Variants in LINGO2 observed in about 807,000 individuals in gnomAD.
LINGO2 encodes leucine rich repeat and Ig domain containing 2.
In LINGO2, 14 loss-of-function variants were observed where a neutral mutation model predicts 30.6. The observed-to-expected ratio is 0.46, with a 90% CI of 0.30 to 0.72. LINGO2 has a LOEUF of 0.72. LINGO2 is among the 30% of genes least tolerant of loss of function. The pLI is 0.07. For synonymous variants in LINGO2, 317 were observed against 288.5 expected (o/e 1.10, Z -1.00); for missense variants, 729 against 751.7 (o/e 0.97, Z 0.35).
intron 1 of LINGO2, among the ~76,000 whole-genome samples, chr9:28,643,495 A>G (rs1827699557): frequency 6.6e-6 from 1 of 152,052 alleles, no homozygotes; most frequent in Non-Finnish European, 1.5e-5. Context: ...TATGCAGAAT[A>G]AAAGTAGAAC....
Position 28,185,647 on chromosome 9 carries a change from G to T in LINGO2, c.-87+109561C>A, listed in dbSNP as rs548024589. 4.6e-5 allele frequency among the ~76,000 whole-genome samples: 7 copies of T among 152,194 alleles called. 1 individual carries two copies. The South Asian group carries it at 8.3e-4, about 18-fold the overall frequency. On this transcript the variant is annotated intron_variant, in intron 4 of 5. Transcript: ENST00000379992. ...GAAACACAATTGTAGAAATAGGACT[G>T]CAAAAATATAGTTCTTAGCTACACT...
intron 1 of LINGO2, among the ~76,000 whole-genome samples, chr9:28,506,479 C>CACAT (rs1260518228): frequency 8.8e-5 from 1 of 11,334 alleles, no homozygotes; most frequent in Non-Finnish European, 4.3e-4. Context: ...CACACACACA[C>CACAT]ATACACATAC....
At chr9:28,794,326 AAAC>A in the LINGO2 span, among the ~76,000 whole-genome samples, 1 of 151,976 alleles carries the variant, frequency 6.6e-6, no homozygotes, top group African/African-American at 2.4e-5. Context: ...AACAAAACCA[AAAC>A]ACACACACAC....
chr9:29,154,706 G>A, the LINGO2 span, among the ~76,000 whole-genome samples: 1 of 152,226 alleles, frequency 6.6e-6, no homozygotes, highest in African/African-American at 2.4e-5. Flanking sequence ...TTTGTGCTAT[G>A]GAATCCAGGT....
chr9:29,150,423 T>A, the LINGO2 span, among the ~76,000 whole-genome samples: 4 of 152,254 alleles, frequency 2.6e-5, no homozygotes, highest in Middle Eastern at 3.4e-3. Context: ...TCTTAACCAG[T>A]TTGAAAGAAC....
At chr9:28,323,455 C>A (rs1219471854) in intron 3 of LINGO2, among the ~76,000 whole-genome samples, 1 of 152,088 alleles carries the variant, frequency 6.6e-6, no homozygotes, top group Non-Finnish European at 1.5e-5. Flanking sequence ...CAAAAATTAG[C>A]CAGGTGTGGT....
chr9:29,074,255 C>G, the LINGO2 span, among the ~76,000 whole-genome samples: 1 of 151,880 alleles, frequency 6.6e-6, no homozygotes, highest in African/African-American at 2.4e-5. Context: ...AGTCAATCAA[C>G]AGAGACAATA....
intron 1 of LINGO2, among the ~76,000 whole-genome samples, chr9:28,550,995 T>C (rs1277711584): frequency 3.3e-5 from 5 of 151,844 alleles, no homozygotes; most frequent in African/African-American, 4.8e-5. Context: ...TGAATACAAA[T>C]GAGAATACAA....
the LINGO2 span, among the ~76,000 whole-genome samples, chr9:28,818,643 C>G: frequency 3.0e-4 from 45 of 152,192 alleles, no homozygotes; most frequent in African/African-American, 1.1e-3. Flanking sequence ...GCCTCAGCCT[C>G]CCAAAGTGCT....
the LINGO2 span, among the ~76,000 whole-genome samples, chr9:28,857,465 C>A: frequency 3.3e-5 from 5 of 151,996 alleles, no homozygotes; most frequent in African/African-American, 9.7e-5. Context: ...AAGTGACCAG[C>A]CTCAGGTCAC....
the LINGO2 span, among the ~76,000 whole-genome samples, chr9:29,113,752 A>G: frequency 6.6e-6 from 1 of 152,218 alleles, no homozygotes; most frequent in Non-Finnish European, 1.5e-5. Context: ...CTTTACCAGT[A>G]GAATCCTGAA....
At chr9:27,975,927 T>C (rs2118834198) in intron 5 of LINGO2, among the ~76,000 whole-genome samples, 1 of 152,234 alleles carries the variant, frequency 6.6e-6, no homozygotes, top group East Asian at 1.9e-4. Flanking sequence ...CAGTTCTTAA[T>C]CAAACTTGGT....
intron 1 of LINGO2, among the ~76,000 whole-genome samples, chr9:28,582,880 C>A (rs561513423): frequency 1.3e-4 from 20 of 152,088 alleles, no homozygotes; most frequent in Admixed American, 5.2e-4. Context: ...GAAAAACATA[C>A]CGATGCTTTG....
chr9:28,715,201 A>T, the LINGO2 span, among the ~76,000 whole-genome samples: 5 of 152,198 alleles, frequency 3.3e-5, no homozygotes, highest in Non-Finnish European at 5.9e-5. Context: ...TATTGAAGCC[A>T]TTTAGGATAT....
chr9:28,876,315 A>C, the LINGO2 span, among the ~76,000 whole-genome samples: 1 of 151,972 alleles, frequency 6.6e-6, no homozygotes, highest in African/African-American at 2.4e-5. Flanking sequence ...TTAGTTACAT[A>C]TGTATACATG....
chr9:28,018,734 A>G (rs946991213), intron 4 of LINGO2, among the ~76,000 whole-genome samples: 9 of 152,176 alleles, frequency 5.9e-5, no homozygotes, highest in African/African-American at 2.2e-4. Flanking sequence ...GGGCACTTAT[A>G]CATTGCTGGG....
At chr9:28,425,126 T>G (rs1823351255) in intron 2 of LINGO2, among the ~76,000 whole-genome samples, 1 of 151,424 alleles carries the variant, frequency 6.6e-6, no homozygotes, top group Non-Finnish European at 1.5e-5. Flanking sequence ...TTTCAACTTC[T>G]TTAACTCCCA....
the LINGO2 span, among the ~76,000 whole-genome samples, chr9:29,210,467 G>T: frequency 6.6e-6 from 1 of 152,040 alleles, no homozygotes; most frequent in Non-Finnish European, 1.5e-5. Context: ...ATTCAGATGA[G>T]TATCACTTTT....
intron 1 of LINGO2, among the ~76,000 whole-genome samples, chr9:28,574,325 G>C (rs1442207628): frequency 1.3e-5 from 2 of 152,180 alleles, no homozygotes; most frequent in Non-Finnish European, 2.9e-5. Flanking sequence ...GTTTTCATCA[G>C]ATCCTGAAGG....
Sources: gnomAD v4.1 joint callset for allele counts (sites outside exome capture counted in the v4.1 genomes callset) on GRCh38, gnomAD v4.1.1 for gene constraint, MANE v1.5 for transcripts, NCBI Gene and HGNC (gene_info 2026-07-23, HGNC 2026-07-21) for gene names.